The following PRKCA variants were observed in gnomAD, a reference collection of about 807,000 sequenced individuals.
The protein encoded by PRKCA is protein kinase C alpha.
Under a neutral mutation model 87.0 loss-of-function variants are expected in PRKCA, and 27 were observed. The ratio of observed to expected loss-of-function variants is 0.31; its 90% CI spans 0.23 to 0.43. PRKCA has a LOEUF of 0.43. PRKCA is among the 20% of genes least tolerant of loss of function. The pLI is 1.00. For synonymous variants in PRKCA, 329 were observed against 311.1 expected, an observed-to-expected ratio of 1.06 and a Z score of -0.61; for missense variants, 518 against 852.3, an observed-to-expected ratio of 0.61 and a Z score of 4.88.
intron 3 of PRKCA, among the ~76,000 whole-genome samples, chr17:66,602,651 T>G (rs1308260428): frequency 6.6e-6 from 1 of 152,240 alleles, no homozygotes; most frequent in Non-Finnish European, 1.5e-5. Flanking sequence ...ATGAGGGATG[T>G]TGTAGTATAG....
chr17:66,421,434 T>TG (rs1912487516), intron 2 of PRKCA, among the ~76,000 whole-genome samples: 1 of 142,254 alleles, frequency 7.0e-6, no homozygotes, highest in Non-Finnish European at 1.6e-5. Context: ...CTCTGTTTTT[T>TG]TTTTTTTTTT....
chr17:66,525,139 C>G (rs1353857334), intron 3 of PRKCA, among the ~76,000 whole-genome samples: 3 of 152,146 alleles, frequency 2.0e-5, no homozygotes, highest in Non-Finnish European at 4.4e-5. Flanking sequence ...CTTCTTCACT[C>G]AGAACTTCTG....
At chr17:66,438,719 A>C (rs896354708) in intron 2 of PRKCA, among the ~76,000 whole-genome samples, 1 of 152,148 alleles carries the variant, frequency 6.6e-6, no homozygotes, top group African/African-American at 2.4e-5. Flanking sequence ...TCATGGTGGA[A>C]GGGGAAGCAA....
At chr17:66,469,228 G>C (rs1598698832) in intron 2 of PRKCA, among the ~76,000 whole-genome samples, 1 of 152,186 alleles carries the variant, frequency 6.6e-6, no homozygotes, top group Admixed American at 6.5e-5. Flanking sequence ...ATCTGCTAAA[G>C]AGAAAGGTGC....
intron 3 of PRKCA, among the ~76,000 whole-genome samples, chr17:66,622,454 A>G (rs1397737551): frequency 1.3e-5 from 2 of 152,262 alleles, no homozygotes; most frequent in African/African-American, 4.8e-5. Flanking sequence ...TGCAGTGACC[A>G]TATAACAAAG....
At chr17:66,561,418 G>A (rs1246924304) in intron 3 of PRKCA, among the ~76,000 whole-genome samples, 23 of 152,316 alleles carry the variant, frequency 1.5e-4, no homozygotes, top group East Asian at 3.9e-4. Flanking sequence ...GGTTAGCCCC[G>A]TGCCTTGATC....
At chr17:66,539,249 G>A (rs2143112262) in intron 3 of PRKCA, among the ~76,000 whole-genome samples, 1 of 152,282 alleles carries the variant, frequency 6.6e-6, no homozygotes, top group South Asian at 2.1e-4. Context: ...GTGTATGTGT[G>A]TAAATAAACG....
intron 2 of PRKCA, among the ~76,000 whole-genome samples, chr17:66,491,615 A>C (rs1186961684): frequency 6.6e-6 from 1 of 152,172 alleles, no homozygotes; most frequent in Non-Finnish European, 1.5e-5. Context: ...TAGAGCCCCA[A>C]ATTAAAAAAA....
In PRKCA at chr17:66,320,155, G is replaced by A. The variant is rs775931660; in HGVS notation, c.205+14028G>A. On this transcript the variant is annotated intron_variant, in intron 2 of 16. Transcript: ENST00000413366. ...TAGAATTTTAGAGTAAGAAAGGACC[G>A]TAGAGGCTGTCTAGCCCAGGTTCTT... Among the ~76,000 whole-genome samples the A allele has an allele frequency of 3.3e-5, 5 of 152,166 alleles. 1 individual carries two copies. Among genetic ancestry groups the A allele is most frequent in the East Asian group, 3.8e-4 (2 of 5,196 alleles).
At chr17:66,399,172 C>T (rs950013142) in intron 2 of PRKCA, among the ~76,000 whole-genome samples, 1 of 147,864 alleles carries the variant, frequency 6.8e-6, no homozygotes, top group African/African-American at 2.5e-5. Flanking sequence ...GATCGCGGCT[C>T]GCTGTACCCT....
At chr17:66,759,023 C>T (rs1001324441) in intron 13 of PRKCA, among the ~76,000 whole-genome samples, 1 of 152,044 alleles carries the variant, frequency 6.6e-6, no homozygotes, top group Non-Finnish European at 1.5e-5. Context: ...GTTATCATAG[C>T]TACTTTCACT....
chr17:66,613,779 C>CTTTTTTTTTT (rs57610655), intron 3 of PRKCA, among the ~76,000 whole-genome samples: 2 of 69,386 alleles, frequency 2.9e-5, no homozygotes, highest in African/African-American at 1.2e-4. Context: ...TGACTTCATC[C>CTTTTTTTTTT]TTTTTTTTTT....
chr17:66,670,594 G>T (rs185329067), intron 5 of PRKCA, among the ~76,000 whole-genome samples: 3 of 152,304 alleles, frequency 2.0e-5, no homozygotes, highest in Non-Finnish European at 2.9e-5. Flanking sequence ...GGGCATTGTG[G>T]CTCACACTTG....
intron 2 of PRKCA, among the ~76,000 whole-genome samples, chr17:66,370,513 G>A (rs371303992): frequency 5.4e-5 from 8 of 148,014 alleles, no homozygotes; most frequent in African/African-American, 1.7e-4. Context: ...TCACAATAGC[G>A]CTATAGATTT....
intron 2 of PRKCA, among the ~76,000 whole-genome samples, chr17:66,356,672 T>C (rs533430334): frequency 9.2e-5 from 14 of 152,334 alleles, no homozygotes; most frequent in African/African-American, 3.4e-4. Flanking sequence ...TACAGATGGA[T>C]ATCTAAAAGT....
intron 2 of PRKCA, among the ~76,000 whole-genome samples, chr17:66,345,718 G>A (rs969111373): frequency 1.3e-5 from 2 of 152,052 alleles, no homozygotes; most frequent in Non-Finnish European, 2.9e-5. Context: ...TAAAATTGCA[G>A]GCAGGAAAAA....
At chr17:66,567,276 A>T (rs981488367) in intron 3 of PRKCA, among the ~76,000 whole-genome samples, 1 of 152,192 alleles carries the variant, frequency 6.6e-6, no homozygotes, top group Non-Finnish European at 1.5e-5. Flanking sequence ...AGGTGACAAG[A>T]TAGGAAGAGA....
chr17:66,630,881 G>A (rs912142394), intron 3 of PRKCA, among the ~76,000 whole-genome samples: 1 of 152,154 alleles, frequency 6.6e-6, no homozygotes, highest in African/African-American at 2.4e-5. Context: ...AGCTTTCTGA[G>A]GGCCATTGTA....
chr17:66,588,635 CTTTTTTTTTTTTT>C lies in PRKCA; in HGVS notation c.289-52705_289-52693del, dbSNP rs397856363. ...CTTTCTGAGGTTTTATTTTGCTTTG[CTTTTTTTTTTTTT>C]TTTTTTTTTTTTTTGAGAGTTTCGC... On this transcript the variant is annotated intron_variant, in intron 3 of 16. Transcript: ENST00000413366. Among the ~76,000 whole-genome samples, 6 of 39,110 alleles carry C rather than the reference CTTTTTTTTTTTTT, an allele frequency of 1.5e-4. No individual in the cohort carries two copies. The East Asian group carries it at 2.6e-3, about 17-fold the overall frequency. The allele number at this position is 39,110 out of a possible 152,430, so 25.7% of individuals were successfully genotyped here.
Sources: gnomAD v4.1 joint callset for allele counts (sites outside exome capture counted in the v4.1 genomes callset) on GRCh38, gnomAD v4.1.1 for gene constraint, MANE v1.5 for transcripts, NCBI Gene and HGNC (gene_info 2026-07-23, HGNC 2026-07-21) for gene names.